PRP4K: variants seen among roughly 807,000 people sequenced by gnomAD.
PRP4K encodes pre-mRNA processing factor kinase PRP4K, also known as serine/threonine-protein kinase PRP4 homolog.
chr6:4,047,314 T>TA, the PRP4K span: 4 of 1,238,418 alleles, frequency 3.2e-6, no homozygotes, highest in Non-Finnish European at 4.6e-6. Context: ...CGTATATACA[T>TA]ATAGAGAAAG....
chr6:4,062,799 A>AC, the PRP4K span: 7 of 152,744 alleles, frequency 4.6e-5, no homozygotes, highest in East Asian at 1.4e-3. This position sits in a 1 kb window ranked among gnomAD's most constrained non-coding sequence, Gnocchi z 4.2. Context: ...CCTTTTAATT[A>AC]AGGCGTCACA....
At chr6:4,034,093 C>T in the PRP4K span, among the ~76,000 whole-genome samples, 1 of 152,084 alleles carries the variant, frequency 6.6e-6, no homozygotes, top group Non-Finnish European at 1.5e-5. Context: ...TCCACTACCA[C>T]TCCTTAGAAA....
the PRP4K span, among the ~76,000 whole-genome samples, chr6:4,025,189 T>G: frequency 5.3e-4 from 81 of 152,348 alleles, no homozygotes; most frequent in African/African-American, 1.9e-3. Flanking sequence ...TGTAAAATGT[T>G]AATGTTAAAG....
At chr6:4,049,751 C>T in the PRP4K span, 2 of 1,612,288 alleles carry the variant, frequency 1.2e-6, no homozygotes, top group African/African-American at 1.3e-5. Flanking sequence ...TAGGTGAAGT[C>T]CTAGATAAAC....
the PRP4K span, chr6:4,042,401 T>C: frequency 4.0e-6 from 4 of 1,001,938 alleles, no homozygotes; most frequent in South Asian, 3.0e-5. Flanking sequence ...AACTTACTGA[T>C]ACCTACATTT....
At chr6:4,058,109 C>G in the PRP4K span, among the ~76,000 whole-genome samples, 1 of 152,162 alleles carries the variant, frequency 6.6e-6, no homozygotes, top group Non-Finnish European at 1.5e-5. Context: ...CCCCTGGGCT[C>G]AAGCAGTTCT....
chr6:4,056,790 G>A, the PRP4K span: 2 of 1,324,488 alleles, frequency 1.5e-6, no homozygotes, highest in African/African-American at 1.5e-5. Context: ...TGAGAAAAGA[G>A]AAGAAATACA....
the PRP4K span, among the ~76,000 whole-genome samples, chr6:4,054,480 TTGTG>T: frequency 2.0e-5 from 3 of 152,122 alleles, no homozygotes; most frequent in African/African-American, 7.2e-5. Context: ...AAGTATAAAT[TTGTG>T]TGGCCAATTT....
At chr6:4,057,019 T>A in the PRP4K span, 1 of 1,536,688 alleles carries the variant, frequency 6.5e-7, no homozygotes, top group African/African-American at 1.4e-5. Context: ...ATATTAAAAC[T>A]TTGATTTTGT....
At chr6:4,054,568 G>A in the PRP4K span, among the ~76,000 whole-genome samples, 5 of 152,186 alleles carry the variant, frequency 3.3e-5, no homozygotes, top group Admixed American at 6.5e-5. Context: ...GTGCAATGGC[G>A]TGATCTCGGC....
the PRP4K span, chr6:4,060,302 G>C: frequency 5.4e-6 from 5 of 930,542 alleles, no homozygotes; most frequent in East Asian, 1.3e-4. The surrounding 1 kb of genome is among the most constrained non-coding windows in gnomAD (Gnocchi z 4.7). Context: ...TATATATTTT[G>C]TATGTATATG....
At chr6:4,049,692 A>C in the PRP4K span, 5 of 1,562,396 alleles carry the variant, frequency 3.2e-6, no homozygotes, top group Non-Finnish European at 4.4e-6. Context: ...GATTCTATTT[A>C]TTATAGTCAG....
the PRP4K span, chr6:4,061,981 CT>C: frequency 6.6e-6 from 1 of 152,492 alleles, no homozygotes; most frequent in East Asian, 1.9e-4. Flanking sequence ...TAAAAGCAAC[CT>C]TTTGTTTTTT....
chr6:4,061,709 T>G, the PRP4K span: 1 of 152,694 alleles, frequency 6.5e-6, no homozygotes, highest in Non-Finnish European at 1.5e-5. Context: ...CGGTAATTGC[T>G]TCTTTACCTT....
the PRP4K span, among the ~76,000 whole-genome samples, chr6:4,022,556 T>C: frequency 6.6e-6 from 1 of 151,992 alleles, no homozygotes; most frequent in Non-Finnish European, 1.5e-5. Context: ...AACTTGTGAC[T>C]GAGCGATAGA....
the PRP4K span, among the ~76,000 whole-genome samples, chr6:4,027,134 A>G: frequency 1.2e-4 from 19 of 152,232 alleles, no homozygotes; most frequent in African/African-American, 4.8e-5. Context: ...GAGTAGTGAC[A>G]TAATCTGACT....
the PRP4K span, among the ~76,000 whole-genome samples, chr6:4,054,418 G>T: frequency 2.2e-3 from 341 of 152,010 alleles, 2 homozygotes; most frequent in African/African-American, 7.6e-3. Flanking sequence ...AATGTAACTT[G>T]GAGTTAGGGG....
the PRP4K span, chr6:4,032,902 C>A: frequency 1.0e-6 from 1 of 958,164 alleles, no homozygotes; most frequent in Non-Finnish European, 1.4e-6. Flanking sequence ...TTAAGTAACC[C>A]AATCCATTAA....
chr6:4,057,200 C>G, the PRP4K span: 2 of 1,604,928 alleles, frequency 1.2e-6, no homozygotes, highest in Non-Finnish European at 1.7e-6. Context: ...AAGACATTAG[C>G]ATGAGCTTCT....
Sources: allele counts gnomAD v4.1 joint callset (sites outside exome capture counted in the v4.1 genomes callset), GRCh38; gene constraint gnomAD v4.1.1; non-coding constraint Gnocchi (gnomAD v3.1); transcripts MANE v1.5; gene names NCBI Gene and HGNC (gene_info 2026-07-23, HGNC 2026-07-21).